GLIPR1L2: variants seen among roughly 807,000 people sequenced by gnomAD.
GLIPR1L2 encodes GLIPR1-like protein 2.
GLIPR1L2 carries 21 observed loss-of-function variants against 28.4 expected under a neutral mutation model. The ratio of observed to expected loss-of-function variants is 0.74; its 90% CI spans 0.52 to 1.06. The LOEUF is 1.06. Among genes scored for constraint, GLIPR1L2 ranks in the 50% least tolerant of loss-of-function variants. The pLI is 0.00. For synonymous variants in GLIPR1L2, 145 were observed against 139.3 expected (o/e 1.04, Z -0.29); for missense variants, 476 against 416.9 (o/e 1.14, Z -1.23).
intron 1 of GLIPR1L2, among the ~76,000 whole-genome samples, chr12:75,391,877 A>AT (rs5799223): frequency 0.54 from 80,210 of 147,356 alleles, 21,630 homozygotes; most frequent in East Asian, 0.58. Flanking sequence ...TGTTATCTTG[A>AT]TTTTTTTTTT....
Position 75,430,846 on chromosome 12 carries a change from A to G in GLIPR1L2, c.720A>G (p.Lys240=), listed in dbSNP as rs1175381162. 7.2e-6 allele frequency: 11 copies of G among 1,533,616 alleles called. No individual in the cohort carries two copies. The highest frequency in any genetic ancestry group is 1.7e-6 in the Non-Finnish European group (2 of 1,145,260). Residue 240 remains lysine, a synonymous_variant, in exon 6 of 6, where the codon AAA becomes AAG. Coordinates refer to ENST00000550916, the MANE Select transcript of GLIPR1L2 (RefSeq NM_001270396.2). ...CAGATTACCGATTTTGGTATCCAAA[A>G]TGGGAAATGCCCCGGCCAGTTGTGT... ...QATYYRFWYP[K]WEMPRPVVCD... is the part of the protein sequence containing the mutation.
chr12:75,432,289 C>T lies in GLIPR1L2; in HGVS notation c.*1128C>T, dbSNP rs770000355. The stretch of plus-strand genomic sequence containing the variant: ...TCTTATTGTTGCACACTTATTAGAA[C>T]TCAATGTGACTGAGATGTGAAAGGT... On this transcript the variant is annotated 3_prime_UTR_variant, in exon 6 of 6. Coordinates refer to ENST00000550916, the MANE Select transcript of GLIPR1L2 (RefSeq NM_001270396.2). 8 of 152,094 alleles carry T rather than the reference C, an allele frequency of 5.3e-5. No individual in the cohort carries two copies. The highest frequency in any genetic ancestry group is 1.0e-4 in the Non-Finnish European group (7 of 67,968). 9.4% of individuals were successfully genotyped at this position (152,094 alleles called of 1,614,324 possible).
intron 5 of GLIPR1L2, 38 bp downstream of exon 5, chr12:75,430,779 C>A (rs1488497775): frequency 3.3e-6 from 5 of 1,533,154 alleles, no homozygotes; most frequent in Non-Finnish European, 4.4e-6. Context: ...AACAATTGAA[C>A]TGCTTTATAT....
chr12:75,419,271 A>C (rs890784543), intron 3 of GLIPR1L2, among the ~76,000 whole-genome samples: 1 of 152,192 alleles, frequency 6.6e-6, no homozygotes, highest in African/African-American at 2.4e-5. Context: ...TGGCAGGAGT[A>C]AATAAGTTAG....
chr12:75,396,359 T>C (rs1005582855), intron 1 of GLIPR1L2, among the ~76,000 whole-genome samples: 1 of 152,102 alleles, frequency 6.6e-6, no homozygotes, highest in Admixed American at 6.6e-5. Flanking sequence ...AGGCAGAGTT[T>C]TGCCATGTTG....
chr12:75,420,164 C>G (rs540177383), intron 3 of GLIPR1L2, among the ~76,000 whole-genome samples: 2 of 152,282 alleles, frequency 1.3e-5, no homozygotes, highest in South Asian at 4.1e-4. Context: ...TGCTTTGGCT[C>G]TTGTTCTGTG....
At chr12:75,423,221 G>A (rs1401335081) in intron 4 of GLIPR1L2, 2 of 1,351,484 alleles carry the variant, frequency 1.5e-6, no homozygotes, top group Non-Finnish European at 1.9e-6. Context: ...ATACCAGAGT[G>A]TCAGAAAGAA....
At chr12:75,422,535 A>G (rs1185994542) in intron 3 of GLIPR1L2, among the ~76,000 whole-genome samples, 1 of 151,884 alleles carries the variant, frequency 6.6e-6, no homozygotes, top group Non-Finnish European at 1.5e-5. Context: ...ATCTCCTGAC[A>G]TTGTGATCTG....
At chr12:75,426,451 TA>T (rs1241473194) in intron 4 of GLIPR1L2, among the ~76,000 whole-genome samples, 1 of 152,232 alleles carries the variant, frequency 6.6e-6, no homozygotes, top group African/African-American at 2.4e-5. Flanking sequence ...TCCATTGTAT[TA>T]TACTAAGAAG....
At chr12:75,414,814 C>T (rs1179351287) in intron 3 of GLIPR1L2, among the ~76,000 whole-genome samples, 2 of 152,010 alleles carry the variant, frequency 1.3e-5, no homozygotes, top group African/African-American at 4.8e-5. Flanking sequence ...ATTCACTCAG[C>T]AAGTATGTAC....
Position 75,391,260 on chromosome 12 carries a change from G to A in GLIPR1L2, c.144G>A (p.Glu48=). Residue 48 remains glutamate, a synonymous_variant, in exon 1 of 6, where the codon GAG becomes GAA. Transcript: ENST00000550916. ...SSLNARFLPD[E]EDVDFINEYV... Reference sequence around the variant, plus strand: ...TGAACGCCAGATTTTTGCCAGACGAGGAGGACGTAGACTTTATCAACGAGT... The same window carrying A: ...TGAACGCCAGATTTTTGCCAGACGAAGAGGACGTAGACTTTATCAACGAGT... 9.3e-6 allele frequency: 15 copies of A among 1,614,234 alleles called. No individual in the cohort carries two copies. Among genetic ancestry groups the A allele is most frequent in the Non-Finnish European group, 1.3e-5 (15 of 1,180,026 alleles).
At chr12:75,400,804 C>T (rs2045732454) in intron 1 of GLIPR1L2, among the ~76,000 whole-genome samples, 1 of 151,960 alleles carries the variant, frequency 6.6e-6, no homozygotes, top group Non-Finnish European at 1.5e-5. Flanking sequence ...AAACAATATC[C>T]TCAGTAAAAT....
rs369011452 is a variant in GLIPR1L2 at position 75,402,991 on chromosome 12, G to A, written c.235-7443G>A. The A allele has an allele frequency of 6.6e-6, 3 of 456,728 alleles. No individual in the cohort carries two copies. The Admixed American group carries it at 7.0e-5, about 11-fold the overall frequency. 28.3% of individuals were successfully genotyped at this position (456,728 alleles called of 1,614,324 possible). A position where few individuals can be genotyped will look rare whatever the true frequency, so the allele number is the denominator to read the frequency against. ...AAAGTCCTCCACTTTGTTAACAAGT[G>A]TCATGAACAATTTTTCCTTTAACAG... On this transcript the variant is annotated intron_variant, in intron 1 of 5. Coordinates refer to ENST00000550916, the MANE Select transcript of GLIPR1L2 (RefSeq NM_001270396.2).
chr12:75,396,254 C>T (rs1411439244), intron 1 of GLIPR1L2, among the ~76,000 whole-genome samples: 2 of 151,920 alleles, frequency 1.3e-5, no homozygotes, highest in East Asian at 3.9e-4. Context: ...AGCCTTTAAC[C>T]CTGGGGCTCA....
chr12:75,428,587 G>A (rs1219383037), intron 4 of GLIPR1L2, among the ~76,000 whole-genome samples: 2 of 152,116 alleles, frequency 1.3e-5, no homozygotes, highest in African/African-American at 4.8e-5. Context: ...GTAACAAGGA[G>A]CCAAATGTTA....
chr12:75,419,462 T>C (rs1448158027), intron 3 of GLIPR1L2, among the ~76,000 whole-genome samples: 3 of 152,194 alleles, frequency 2.0e-5, no homozygotes, highest in African/African-American at 7.2e-5. Context: ...ACCCAAGTTA[T>C]TGGATGAATT....
intron 4 of GLIPR1L2, chr12:75,423,762 C>T (rs2046004160): frequency 6.6e-6 from 1 of 152,276 alleles, no homozygotes; most frequent in South Asian, 2.1e-4. Flanking sequence ...GTTCTTCTCC[C>T]TGTGTCCATG....
chr12:75,429,165 C>T (rs557529843), intron 4 of GLIPR1L2, among the ~76,000 whole-genome samples: 56 of 152,300 alleles, frequency 3.7e-4, no homozygotes, highest in African/African-American at 1.2e-3. Context: ...TACTCAATGC[C>T]AGCCTGTGAA....
intron 4 of GLIPR1L2, among the ~76,000 whole-genome samples, chr12:75,429,306 G>A (rs776983275): frequency 4.6e-5 from 7 of 152,206 alleles, no homozygotes; most frequent in South Asian, 2.1e-4. Flanking sequence ...GCTTTAAGAT[G>A]TAATGACTGT....
Sources: allele counts gnomAD v4.1 joint callset (sites outside exome capture counted in the v4.1 genomes callset), GRCh38; gene constraint gnomAD v4.1.1; transcripts MANE v1.5; gene names NCBI Gene and HGNC (gene_info 2026-07-23, HGNC 2026-07-21).